Variants in IQCM observed in about 807,000 individuals in gnomAD.
IQCM encodes the protein IQ domain-containing protein M.
A neutral mutation model predicts 57.6 loss-of-function variants in IQCM; 45 were observed. That is an observed-to-expected ratio of 0.78 (90% CI 0.62 to 1.00). The LOEUF (loss-of-function observed/expected upper bound fraction) is 1.00, where lower values mean the gene tolerates loss of function less well. IQCM is among the 50% of genes least tolerant of loss of function. The pLI, the probability that IQCM is intolerant of heterozygous loss-of-function variation, is 0.00. For missense variants in IQCM, 468 were observed against 511.6 expected, an observed-to-expected ratio of 0.91 and a Z score of 0.82; for synonymous variants, 148 against 158.9, an observed-to-expected ratio of 0.93 and a Z score of 0.51.
intron 13 of IQCM, among the ~76,000 whole-genome samples, chr4:149,382,520 A>T (rs922859801): frequency 5.9e-5 from 9 of 152,122 alleles, no homozygotes; most frequent in African/African-American, 2.2e-4. Flanking sequence ...ACACCATGGC[A>T]TATTATAATT....
Position 149,481,705 on chromosome 4 carries a change from T to TTTTTTTTTTTTTTTTTGTTTG in IQCM, c.1229-48149_1229-48148insCAAACAAAAAAAAAAAAAAAA, listed in dbSNP as rs1740865566. Among the ~76,000 whole-genome samples, 4 of 133,148 alleles carry TTTTTTTTTTTTTTTTTGTTTG rather than the reference T, an allele frequency of 3.0e-5. No homozygotes were observed. The South Asian group carries it at 9.8e-4, about 33-fold the overall frequency. The allele number at this position is 133,148 out of a possible 152,430, so 87.4% of individuals were successfully genotyped here. On this transcript the variant is annotated intron_variant, in intron 12 of 13. Coordinates refer to ENST00000636793, the MANE Select transcript of IQCM (RefSeq NM_001363507.2). ...TAATGTGATTCTTCCAGTTTTGTTTTTTTTTTTTTTTTTTTTTGCTTTTTG... is the reference window on the plus strand; with the variant it reads ...TAATGTGATTCTTCCAGTTTTGTTTTTTTTTTTTTTTTTTTTGTTTGTTTTTTTTTTTTTTTTTGCTTTTTG...
chr4:149,520,647 A>T (rs763282931), intron 12 of IQCM, among the ~76,000 whole-genome samples: 5 of 152,122 alleles, frequency 3.3e-5, no homozygotes, highest in Non-Finnish European at 7.3e-5. Context: ...TTATTATAGA[A>T]ATGTAATTTG....
chr4:149,777,473 G>T (rs530136470), intron 2 of IQCM, among the ~76,000 whole-genome samples: 227 of 152,228 alleles, frequency 1.5e-3, no homozygotes, highest in African/African-American at 5.2e-3. Flanking sequence ...CAAACTCTGA[G>T]AAACAAGTTT....
chr4:149,614,000 T>C (rs1177878205), intron 8 of IQCM, among the ~76,000 whole-genome samples: 6 of 152,212 alleles, frequency 3.9e-5, no homozygotes, highest in Non-Finnish European at 8.8e-5. Context: ...TCCAAGTCTT[T>C]GAAACAATAT....
rs1412524293 is a variant in IQCM at position 149,382,274 on chromosome 4, G to A, written c.1391-30208C>T. On this transcript the variant is annotated intron_variant, in intron 13 of 13. Coordinates refer to ENST00000636793, the MANE Select transcript of IQCM (RefSeq NM_001363507.2). Reference sequence around the variant, plus strand: ...AATTCATATAATAAAAATACTTGTGGGGGTGCAGTTGGGGAAATGGCTGAA... The same window carrying A: ...AATTCATATAATAAAAATACTTGTGAGGGTGCAGTTGGGGAAATGGCTGAA... 2.0e-5 allele frequency among the ~76,000 whole-genome samples: 3 copies of A among 152,032 alleles called. No homozygotes were observed. The East Asian group carries it at 5.8e-4, about 29-fold the overall frequency.
intron 12 of IQCM, among the ~76,000 whole-genome samples, chr4:149,519,280 C>A (rs1488784337): frequency 6.7e-6 from 1 of 150,116 alleles, no homozygotes; most frequent in Non-Finnish European, 1.5e-5. Context: ...TTTTTTGCTT[C>A]CAAAAAGAAT....
intron 13 of IQCM, among the ~76,000 whole-genome samples, chr4:149,396,684 A>G (rs1732253961): frequency 6.6e-6 from 1 of 151,986 alleles, no homozygotes; most frequent in South Asian, 2.1e-4. Flanking sequence ...CTTGACTAAA[A>G]CTTTATTCCT....
chr4:149,518,877 A>G (rs1579339320), intron 12 of IQCM, among the ~76,000 whole-genome samples: 1 of 152,336 alleles, frequency 6.6e-6, no homozygotes, highest in East Asian at 1.9e-4. Context: ...AGAAAGCAAC[A>G]AGGGAGGCAC....
intron 12 of IQCM, among the ~76,000 whole-genome samples, chr4:149,476,043 G>A (rs1740149537): frequency 6.6e-6 from 1 of 152,092 alleles, no homozygotes. Context: ...TAGCATGTTT[G>A]TATAATGATA....
intron 13 of IQCM, among the ~76,000 whole-genome samples, chr4:149,428,217 G>A (rs938767272): frequency 2.6e-5 from 4 of 151,528 alleles, no homozygotes; most frequent in Non-Finnish European, 5.9e-5. Context: ...ATAGTTACAA[G>A]AAAATATGAC....
intron 12 of IQCM, among the ~76,000 whole-genome samples, chr4:149,465,308 T>G (rs1278845595): frequency 6.6e-6 from 1 of 152,136 alleles, no homozygotes; most frequent in Non-Finnish European, 1.5e-5. Flanking sequence ...ACAGAAATTT[T>G]TCATTGTTCC....
intron 12 of IQCM, among the ~76,000 whole-genome samples, chr4:149,531,416 C>A (rs1746735267): frequency 6.6e-6 from 1 of 152,042 alleles, no homozygotes; most frequent in South Asian, 2.1e-4. Flanking sequence ...ACTACTGTAA[C>A]CCTCACTCAT....
chr4:149,636,647 GATTTAAAAATAAGGCAGGAGGTCTATA>G (rs1757742451), intron 7 of IQCM, among the ~76,000 whole-genome samples: 1 of 152,084 alleles, frequency 6.6e-6, no homozygotes, highest in Non-Finnish European at 1.5e-5. Context: ...TCTTGCCTAA[GATTTAAAAATAAGGCAGGAGGTCTATA>G]ATCACTGCTT....
intron 12 of IQCM, among the ~76,000 whole-genome samples, chr4:149,497,816 G>C (rs1742829392): frequency 6.7e-6 from 1 of 149,386 alleles, no homozygotes; most frequent in Admixed American, 6.7e-5. Flanking sequence ...TCTATCAATT[G>C]CAAGTTTGTG....
At chr4:149,604,922 A>T (rs1299349774) in intron 8 of IQCM, among the ~76,000 whole-genome samples, 3 of 152,138 alleles carry the variant, frequency 2.0e-5, no homozygotes, top group African/African-American at 7.2e-5. Flanking sequence ...TCATTTTCTT[A>T]ATCTGCTATC....
At chr4:149,384,237 T>C (rs1731265589) in intron 13 of IQCM, among the ~76,000 whole-genome samples, 1 of 150,596 alleles carries the variant, frequency 6.6e-6, no homozygotes, top group Non-Finnish European at 1.5e-5. Flanking sequence ...AACATGTTAC[T>C]TTGGCATAAG....
intron 9 of IQCM, among the ~76,000 whole-genome samples, chr4:149,574,915 C>A (rs1257468590): frequency 6.6e-6 from 1 of 151,884 alleles, no homozygotes; most frequent in Non-Finnish European, 1.5e-5. Flanking sequence ...ATCAGGTTGC[C>A]AAGTTCAGAA....
intron 2 of IQCM, among the ~76,000 whole-genome samples, chr4:149,763,377 G>C (rs1034890461): frequency 2.6e-5 from 4 of 151,934 alleles, no homozygotes; most frequent in African/African-American, 9.7e-5. Flanking sequence ...GTTGAATTGA[G>C]GATATACACA....
chr4:149,420,959 G>A (rs1268720204), intron 13 of IQCM, among the ~76,000 whole-genome samples: 1 of 151,988 alleles, frequency 6.6e-6, no homozygotes, highest in East Asian at 1.9e-4. Flanking sequence ...GTGCCCATTA[G>A]ACAGACTGTC....
Sources: allele counts gnomAD v4.1 joint callset (sites outside exome capture counted in the v4.1 genomes callset), GRCh38; gene constraint gnomAD v4.1.1; transcripts MANE v1.5; gene names NCBI Gene and HGNC (gene_info 2026-07-23, HGNC 2026-07-21).